AOPEP: variants seen among roughly 807,000 people sequenced by gnomAD.
The protein encoded by AOPEP is aminopeptidase O.
AOPEP carries 77 observed loss-of-function variants against 98.1 expected under a neutral mutation model. That is an observed-to-expected ratio of 0.78 (90% CI 0.65 to 0.95). AOPEP has a LOEUF of 0.95. AOPEP is among the 40% of genes least tolerant of loss of function. AOPEP has a pLI of 0.00. For synonymous variants in AOPEP, 346 were observed against 365.3 expected (o/e 0.95, Z 0.60); for missense variants, 1,024 against 1,024.7 (o/e 1.00, Z 0.01).
At chr9:95,026,620 G>C (rs1311315349) in intron 13 of AOPEP, among the ~76,000 whole-genome samples, 2 of 152,190 alleles carry the variant, frequency 1.3e-5, no homozygotes, top group Non-Finnish European at 2.9e-5. Context: ...GTTATTTCCA[G>C]TTTAGGGCTG....
At chr9:94,906,483 A>AAT (rs138384769) in intron 5 of AOPEP, among the ~76,000 whole-genome samples, 3 of 145,712 alleles carry the variant, frequency 2.1e-5, no homozygotes, top group Non-Finnish European at 3.0e-5. Flanking sequence ...TAATAATAAT[A>AAT]AAAAAACAGA....
chr9:94,916,708 A>T (rs977644370), intron 5 of AOPEP, among the ~76,000 whole-genome samples: 37 of 143,382 alleles, frequency 2.6e-4, no homozygotes, highest in Non-Finnish European at 4.0e-4. Flanking sequence ...AAAAAAAAAA[A>T]ATTAAATAAA....
chr9:95,079,334 CAT>C (rs1244806684), intron 14 of AOPEP, among the ~76,000 whole-genome samples: 1 of 152,246 alleles, frequency 6.6e-6, no homozygotes, highest in Non-Finnish European at 1.5e-5. Flanking sequence ...AAAATGTTGA[CAT>C]TGCTTACATT....
In AOPEP at chr9:94,831,914, G is replaced by A. The variant is rs72746576; in HGVS notation, c.1364+30912G>A. Among the ~76,000 whole-genome samples, 1,392 of 152,154 alleles carry A rather than the reference G, an allele frequency of 9.1e-3. 12 individuals carry two copies. Among genetic ancestry groups the A allele is most frequent in the Non-Finnish European group, 0.017 (1,126 of 67,990 alleles). ...TGTTTAATTTTTAAAATGAGAGGTGGACTGCTTCCATTAAGTGAACTGACT... is the reference window on the plus strand; with the variant it reads ...TGTTTAATTTTTAAAATGAGAGGTGAACTGCTTCCATTAAGTGAACTGACT... On this transcript the variant is annotated intron_variant, in intron 5 of 16. Transcript: ENST00000375315.
intron 5 of AOPEP, among the ~76,000 whole-genome samples, chr9:94,850,548 T>C (rs2043426228): frequency 6.6e-6 from 1 of 152,158 alleles, no homozygotes; most frequent in South Asian, 2.1e-4. Context: ...ACAAAAAAAC[T>C]GAAGCCCATA....
chr9:94,943,557 G>A (rs1350771966), intron 7 of AOPEP, among the ~76,000 whole-genome samples: 49 of 150,184 alleles, frequency 3.3e-4, no homozygotes, highest in African/African-American at 1.1e-3. Context: ...TCGTGCCCCT[G>A]CACTCCAGCC....
At chr9:95,092,281 G>C in the AOPEP span, among the ~76,000 whole-genome samples, 3 of 152,258 alleles carry the variant, frequency 2.0e-5, no homozygotes, top group South Asian at 2.1e-4. Flanking sequence ...GGCCCAGGGG[G>C]AGCTGCTGTA....
intron 13 of AOPEP, among the ~76,000 whole-genome samples, chr9:95,013,178 T>G (rs2062697810): frequency 6.6e-6 from 1 of 152,070 alleles, no homozygotes; most frequent in Non-Finnish European, 1.5e-5. Context: ...ATTAATAAAA[T>G]CAATATGTTT....
chr9:94,991,858 T>C (rs1010420165), intron 11 of AOPEP, among the ~76,000 whole-genome samples: 1 of 152,240 alleles, frequency 6.6e-6, no homozygotes, highest in African/African-American at 2.4e-5. Context: ...AAAGCTGGTA[T>C]ATTTTTTGGT....
In AOPEP at chr9:95,005,593, G is replaced by GAGA. The variant is rs1394415818; in HGVS notation, c.2095_2097dup (p.Lys699dup). On this transcript the variant is annotated inframe_insertion, in exon 13 of 17. Transcript: ENST00000375315. ...GAGACCCCGAAAACGGAAGCGCAGG[G>GAGA]AGAAGGAAGAGGTGTTTGAAAAGGT... 4.7e-5 allele frequency: 76 copies of GAGA among 1,614,062 alleles called. No homozygotes were observed. The highest frequency in any genetic ancestry group is 6.3e-5 in the Non-Finnish European group (74 of 1,179,948).
chr9:95,111,424 A>G, the AOPEP span: 1 of 1,602,526 alleles, frequency 6.2e-7, no homozygotes, highest in Non-Finnish European at 8.5e-7. Flanking sequence ...AGCCCCCCAG[A>G]GCCCACCCCA....
chr9:95,090,598 C>T (rs1313283427), downstream of AOPEP, among the ~76,000 whole-genome samples: 1 of 152,154 alleles, frequency 6.6e-6, no homozygotes, highest in East Asian at 1.9e-4. Flanking sequence ...TGGTCGCCTG[C>T]AGGCCTCGCC....
chr9:94,888,998 C>T (rs766793723), intron 5 of AOPEP, among the ~76,000 whole-genome samples: 20 of 152,044 alleles, frequency 1.3e-4, no homozygotes, highest in Non-Finnish European at 1.9e-4. Context: ...GCTCTAGCGG[C>T]GGCTTCCTCT....
intron 13 of AOPEP, among the ~76,000 whole-genome samples, chr9:95,041,083 G>A (rs957133390): frequency 6.7e-6 from 1 of 149,944 alleles, no homozygotes; most frequent in Non-Finnish European, 1.5e-5. Context: ...GCTGTTGATC[G>A]TGTGGATATG....
intron 1 of AOPEP, among the ~76,000 whole-genome samples, chr9:94,755,704 A>G (rs1287025141): frequency 6.6e-6 from 1 of 152,210 alleles, no homozygotes; most frequent in Non-Finnish European, 1.5e-5. Context: ...GACTTAGACA[A>G]TATGAAGGAG....
chr9:94,870,253 G>T (rs2046196625), intron 5 of AOPEP, among the ~76,000 whole-genome samples: 1 of 152,182 alleles, frequency 6.6e-6, no homozygotes, highest in African/African-American at 2.4e-5. Flanking sequence ...GCCTCCCAAA[G>T]TGTTGGGATT....
intron 1 of AOPEP, among the ~76,000 whole-genome samples, chr9:94,737,005 G>A (rs1012341990): frequency 6.6e-6 from 1 of 152,218 alleles, no homozygotes; most frequent in Non-Finnish European, 1.5e-5. Flanking sequence ...CTTGTCTAGA[G>A]AAATCTTATT....
At chr9:95,111,146 C>A in the AOPEP span, 1 of 1,534,762 alleles carries the variant, frequency 6.5e-7, no homozygotes, top group East Asian at 2.4e-5. Context: ...GCAGGGCACG[C>A]CTTGGAGGAC....
chr9:95,091,857 G>A (rs1032843802), downstream of AOPEP, among the ~76,000 whole-genome samples: 23 of 152,194 alleles, frequency 1.5e-4, no homozygotes, highest in Non-Finnish European at 1.8e-4. Flanking sequence ...AACTTGGCAC[G>A]TGTGCATGTG....
Sources: gnomAD v4.1 joint callset for allele counts (sites outside exome capture counted in the v4.1 genomes callset) on GRCh38, gnomAD v4.1.1 for gene constraint, MANE v1.5 for transcripts, NCBI Gene and HGNC (gene_info 2026-07-23, HGNC 2026-07-21) for gene names.